CEP128: variants seen among roughly 807,000 people sequenced by gnomAD.
CEP128 encodes centrosomal protein 128, also known as centrosomal protein 128kDa.
Under a neutral mutation model 156.7 loss-of-function variants are expected in CEP128, and 132 were observed. That is an observed-to-expected ratio of 0.84 (90% CI 0.73 to 0.97). CEP128 has a LOEUF of 0.97. Among genes scored for constraint, CEP128 ranks in the 50% least tolerant of loss-of-function variants. The probability of loss-of-function intolerance (pLI) is 0.00; values close to 1 mark genes in which losing one functional copy is unlikely to be tolerated. For synonymous variants in CEP128, 469 were observed against 448.9 expected (o/e 1.04, Z -0.57); for missense variants, 1,252 against 1,281.9 (o/e 0.98, Z 0.36).
intron 21 of CEP128, among the ~76,000 whole-genome samples, chr14:80,550,671 T>C (rs886288465): frequency 6.6e-6 from 1 of 151,684 alleles, no homozygotes; most frequent in African/African-American, 2.4e-5. Flanking sequence ...AATGTATATA[T>C]ATGAATATCG....
rs1285217666 is a variant in CEP128, at chr14:80,599,422, G to A, written c.2807-18999C>T. 3.3e-5 allele frequency among the ~76,000 whole-genome samples: 5 copies of A among 151,692 alleles called. No individual in the cohort carries two copies. In the East Asian group the frequency reaches 5.8e-4, roughly 18 times the overall value. On this transcript the variant is annotated intron_variant, in intron 19 of 24. Coordinates refer to ENST00000555265, the MANE Select transcript of CEP128 (RefSeq NM_152446.5). ...TGAGTAGCTGGGATGACAGGCACCC[G>A]CCACCACGCCCGGCTAATTTTTTTT...
At chr14:80,892,612 A>G (rs1198044471) in intron 8 of CEP128, among the ~76,000 whole-genome samples, 1 of 152,060 alleles carries the variant, frequency 6.6e-6, no homozygotes. Flanking sequence ...ATGAAATAGC[A>G]GCCTACAAAT....
At chr14:80,662,620 A>C (rs928301403) in intron 19 of CEP128, among the ~76,000 whole-genome samples, 1 of 152,196 alleles carries the variant, frequency 6.6e-6, no homozygotes, top group African/African-American at 2.4e-5. Flanking sequence ...AGAGTTGTCT[A>C]TGTAACTATA....
chr14:80,607,025 CAT>C (rs766868705), intron 19 of CEP128, among the ~76,000 whole-genome samples: 33 of 151,036 alleles, frequency 2.2e-4, no homozygotes, highest in Middle Eastern at 3.5e-3. Flanking sequence ...ATTTATATAA[CAT>C]ATATACGATA....
At chr14:80,856,039 A>C (rs899968064) in intron 9 of CEP128, among the ~76,000 whole-genome samples, 1 of 152,188 alleles carries the variant, frequency 6.6e-6, no homozygotes, top group African/African-American at 2.4e-5. Flanking sequence ...TTTCCAAAAA[A>C]ATGAAGAAAA....
At position 80,551,279 on chromosome 14, in the gene CEP128, C is replaced by T. The variant is rs575458478; in HGVS notation, c.2880+8000G>A. Among the ~76,000 whole-genome samples, 135 of 152,272 alleles carry T rather than the reference C, an allele frequency of 8.9e-4. 2 individuals are homozygous for T. The highest frequency in any genetic ancestry group is 8.1e-4 in the Non-Finnish European group (55 of 68,012). On this transcript the variant is annotated intron_variant, in intron 21 of 24. Coordinates refer to ENST00000555265, the MANE Select transcript of CEP128 (RefSeq NM_152446.5). ...AGGCTTTATTTGTCAAGATTTATCA[C>T]GTAACTGTTTTTCTTTTGTTTAACT...
intron 8 of CEP128, among the ~76,000 whole-genome samples, chr14:80,872,675 T>C (rs984783718): frequency 1.3e-5 from 2 of 152,176 alleles, no homozygotes; most frequent in African/African-American, 4.8e-5. Context: ...ATTTTAAACT[T>C]AAATCTGAAG....
chr14:80,818,777 T>C (rs1303900494), intron 13 of CEP128, among the ~76,000 whole-genome samples: 1 of 152,254 alleles, frequency 6.6e-6, no homozygotes, highest in Non-Finnish European at 1.5e-5. Context: ...AAGAATGTTA[T>C]ATGATAATAA....
intron 16 of CEP128, among the ~76,000 whole-genome samples, chr14:80,768,250 G>C (rs79240155): frequency 6.6e-6 from 1 of 152,126 alleles, no homozygotes; most frequent in African/African-American, 2.4e-5. Context: ...TGTCAGTGGC[G>C]AGGCTATTGT....
At chr14:80,591,152 TA>T (rs1260019616) in intron 19 of CEP128, among the ~76,000 whole-genome samples, 2 of 152,094 alleles carry the variant, frequency 1.3e-5, no homozygotes, top group African/African-American at 2.4e-5. Flanking sequence ...AATTCACACA[TA>T]ACAATATTAA....
At chr14:80,769,503 G>A (rs1327921903) in intron 16 of CEP128, among the ~76,000 whole-genome samples, 1 of 151,968 alleles carries the variant, frequency 6.6e-6, no homozygotes, top group African/African-American at 2.4e-5. Flanking sequence ...GAGAACATGC[G>A]GTGTTTGATT....
chr14:80,768,615 T>C (rs932009850), intron 16 of CEP128, among the ~76,000 whole-genome samples: 2 of 152,126 alleles, frequency 1.3e-5, no homozygotes, highest in African/African-American at 4.8e-5. Context: ...AGTAAAACAA[T>C]GGAGCTAATA....
chr14:80,528,794 T>C (rs1313434007), intron 22 of CEP128, among the ~76,000 whole-genome samples: 1 of 152,198 alleles, frequency 6.6e-6, no homozygotes, highest in African/African-American at 2.4e-5. Context: ...GTGATTTTTG[T>C]CTGGTGCATG....
In CEP128 at chr14:80,952,512, A is replaced by T. The variant is rs569246027; in HGVS notation, c.-172+5666T>A. On this transcript the variant is annotated intron_variant, in intron 2 of 7. Transcript: ENST00000555529. ...GGGATGTCTCTAAAGTAGTATAGGGAAAGTCTACAGCACTACACACATACA... is the reference window on the plus strand; with the variant it reads ...GGGATGTCTCTAAAGTAGTATAGGGTAAGTCTACAGCACTACACACATACA... 2.6e-5 allele frequency among the ~76,000 whole-genome samples: 4 copies of T among 152,260 alleles called. No individual in the cohort carries two copies. The South Asian group carries it at 8.3e-4, about 32-fold the overall frequency.
chr14:80,925,582 T>G (rs1050176816), intron 2 of CEP128, among the ~76,000 whole-genome samples: 3 of 151,992 alleles, frequency 2.0e-5, no homozygotes, highest in African/African-American at 7.3e-5. Flanking sequence ...GTTGGAAGGG[T>G]TTTTTGTTTT....
intron 20 of CEP128, among the ~76,000 whole-genome samples, chr14:80,567,946 TA>T (rs56055662): frequency 9.7e-4 from 141 of 145,368 alleles, no homozygotes; most frequent in East Asian, 3.4e-3. Context: ...GATTTACATT[TA>T]AAAAAAAAAA....
intron 23 of CEP128, among the ~76,000 whole-genome samples, chr14:80,517,317 T>A (rs970973084): frequency 2.0e-5 from 3 of 152,174 alleles, no homozygotes; most frequent in Admixed American, 1.3e-4. Flanking sequence ...AAACATAGAC[T>A]ATTGATTTGA....
intron 13 of CEP128, among the ~76,000 whole-genome samples, chr14:80,804,683 T>C (rs1395551413): frequency 6.6e-6 from 1 of 152,128 alleles, no homozygotes; most frequent in Non-Finnish European, 1.5e-5. Flanking sequence ...TGTATTCCTA[T>C]TTTGTATTTA....
chr14:80,715,991 A>T (rs905215217), intron 19 of CEP128, among the ~76,000 whole-genome samples: 1 of 152,216 alleles, frequency 6.6e-6, no homozygotes, highest in African/African-American at 2.4e-5. Flanking sequence ...ACTTGCTGGC[A>T]GATGAAATAA....
Sources: gnomAD v4.1 joint callset for allele counts (sites outside exome capture counted in the v4.1 genomes callset) on GRCh38, gnomAD v4.1.1 for gene constraint, MANE v1.5 for transcripts, NCBI Gene and HGNC (gene_info 2026-07-23, HGNC 2026-07-21) for gene names.